Variants in PRRX2 observed in about 807,000 individuals in gnomAD.
The protein encoded by PRRX2 is paired mesoderm homeobox protein 2.
Under a neutral mutation model 18.0 loss-of-function variants are expected in PRRX2, and 11 were observed. That is an observed-to-expected ratio of 0.61 (90% confidence interval 0.39 to 1.01). PRRX2 has a LOEUF of 1.01. Ranked by LOEUF, PRRX2 falls within the 50% of genes least tolerant of loss-of-function variation. The pLI is 0.01. For synonymous variants in PRRX2, 177 were observed against 154.8 expected (o/e 1.14, Z -1.06); for missense variants, 387 against 351.0 (o/e 1.10, Z -0.82).
At chr9:129,705,209 G>A (rs1285516261) in intron 1 of PRRX2, among the ~76,000 whole-genome samples, 1 of 148,864 alleles carries the variant, frequency 6.7e-6, no homozygotes, top group Non-Finnish European at 1.5e-5. Flanking sequence ...CAGGAATAGA[G>A]AGACTGAGCT....
chr9:129,686,470 C>A (rs1235227998), intron 1 of PRRX2, among the ~76,000 whole-genome samples: 1 of 152,208 alleles, frequency 6.6e-6, no homozygotes, highest in East Asian at 1.9e-4. Context: ...CCTCAGCCTC[C>A]CAAGTAGCTG....
chr9:129,674,624 C>G (rs1832142380), intron 1 of PRRX2, among the ~76,000 whole-genome samples: 1 of 152,148 alleles, frequency 6.6e-6, no homozygotes, highest in East Asian at 1.9e-4. Flanking sequence ...GCCCCCAGAG[C>G]TGAGCGAACA....
intron 1 of PRRX2, among the ~76,000 whole-genome samples, chr9:129,692,494 C>G (rs1213377349): frequency 6.6e-6 from 1 of 152,146 alleles, no homozygotes. Flanking sequence ...TGACACGGAT[C>G]CACCACTGCA....
At position 129,720,760 on chromosome 9, in the gene PRRX2, C is replaced by A; in HGVS notation, c.612C>A (p.Ala204=). Residue 204 remains alanine (A), a synonymous_variant, in exon 3 of 4, where the codon GCC becomes GCA. Coordinates refer to ENST00000372469, the MANE Select transcript of PRRX2 (RefSeq NM_016307.4). Reference sequence around the variant, plus strand: ...GTCCAGATTATCTCTCCTGGACAGCCTCGTCCCCCTACAGGTGAGAGCGGG... The same window carrying A: ...GTCCAGATTATCTCTCCTGGACAGCATCGTCCCCCTACAGGTGAGAGCGGG... The part of the protein sequence containing the change: ...ALSPDYLSWT[A]SSPYSTVPPY... 1 of 1,596,218 alleles carries A rather than the reference C, an allele frequency of 6.3e-7. No individual in the cohort carries two copies. The highest frequency in any genetic ancestry group is 8.5e-7 in the Non-Finnish European group (1 of 1,170,208).
chr9:129,684,604 T>A (rs1221547303), intron 1 of PRRX2, among the ~76,000 whole-genome samples: 2 of 152,038 alleles, frequency 1.3e-5, no homozygotes, highest in Non-Finnish European at 2.9e-5. Context: ...TACCCACTTC[T>A]GAACCAATCA....
At chr9:129,677,958 CT>C (rs760645440) in intron 1 of PRRX2, among the ~76,000 whole-genome samples, 32,628 of 113,494 alleles carry the variant, frequency 0.29, 4,065 homozygotes, top group East Asian at 0.43. Flanking sequence ...TTCTTTCTTT[CT>C]TTTTTTTTTT....
intron 1 of PRRX2, among the ~76,000 whole-genome samples, chr9:129,681,079 T>C (rs1832223359): frequency 6.6e-6 from 1 of 152,248 alleles, no homozygotes; most frequent in Non-Finnish European, 1.5e-5. Context: ...GCCTAGAGCG[T>C]GCACATGCAC....
At chr9:129,692,245 T>C (rs112398243) in intron 1 of PRRX2, among the ~76,000 whole-genome samples, 27 of 152,218 alleles carry the variant, frequency 1.8e-4, no homozygotes, top group African/African-American at 6.3e-4. Context: ...CCACCACGCC[T>C]GGCCTAGACT....
intron 1 of PRRX2, among the ~76,000 whole-genome samples, chr9:129,718,325 TC>T (rs1832741394): frequency 6.6e-6 from 1 of 152,096 alleles, no homozygotes; most frequent in Non-Finnish European, 1.5e-5. Flanking sequence ...CTGAGGGGCC[TC>T]CCCGGCCAGC....
intron 1 of PRRX2, among the ~76,000 whole-genome samples, chr9:129,717,621 G>A (rs1385532114): frequency 1.3e-5 from 2 of 150,466 alleles, no homozygotes; most frequent in Admixed American, 6.6e-5. Flanking sequence ...ACTTGAACCC[G>A]GGAGGCAGAG....
At chr9:129,689,990 A>G (rs970396705) in intron 1 of PRRX2, among the ~76,000 whole-genome samples, 1 of 151,692 alleles carries the variant, frequency 6.6e-6, no homozygotes, top group African/African-American at 2.4e-5. Context: ...TGACCTTGTG[A>G]TCCGCCCGCC....
At chr9:129,699,163 C>T (rs1201169907) in intron 1 of PRRX2, among the ~76,000 whole-genome samples, 1 of 152,226 alleles carries the variant, frequency 6.6e-6, no homozygotes, top group Non-Finnish European at 1.5e-5. Flanking sequence ...TGGCTCACGC[C>T]CATAATCCCA....
At position 129,671,988 on chromosome 9, in the gene PRRX2, C is replaced by T. The variant is rs112095356; in HGVS notation, c.259+5862C>T. On this transcript the variant is annotated intron_variant, in intron 1 of 3. Transcript: ENST00000372469. This position sits in a 1 kb window ranked among gnomAD's most constrained non-coding sequence, Gnocchi z 4.0. ...GAACGGGCTCTGTGCCTATGTTAGG[C>T]GTTTCTGAGTAGGTGGGGGCAGGAA... Among the ~76,000 whole-genome samples the T allele has an allele frequency of 0.02, 2,986 of 152,058 alleles. 106 individuals are homozygous for T. The highest frequency in any genetic ancestry group is 0.067 in the African/African-American group (2,772 of 41,448).
chr9:129,700,772 C>T (rs1832483883), intron 1 of PRRX2, among the ~76,000 whole-genome samples: 1 of 152,158 alleles, frequency 6.6e-6, no homozygotes, highest in African/African-American at 2.4e-5. Context: ...TGCGTGCCAC[C>T]ATGCCCGGCT....
chr9:129,715,663 G>A lies in PRRX2; in HGVS notation c.260-3568G>A, dbSNP rs149965728. Among the ~76,000 whole-genome samples the A allele has an allele frequency of 1.3e-5, 2 of 151,784 alleles. No homozygotes were observed. Among genetic ancestry groups the A allele is most frequent in the Non-Finnish European group, 2.9e-5 (2 of 67,998 alleles). ...AGATCCTAGTAGCACCCCTTCCCCA[G>A]TCCTAACGATCAAAAATGTCTCACA... On this transcript the variant is annotated intron_variant, in intron 1 of 3. Coordinates refer to ENST00000372469, the MANE Select transcript of PRRX2 (RefSeq NM_016307.4). This position sits in a 1 kb window ranked among gnomAD's most constrained non-coding sequence, Gnocchi z 4.0.
In PRRX2 at chr9:129,715,004, G is replaced by C. The variant is rs183000009; in HGVS notation, c.260-4227G>C. Among the ~76,000 whole-genome samples, 189 of 152,170 alleles carry C rather than the reference G, an allele frequency of 1.2e-3. 1 individual carries two copies. The highest frequency in any genetic ancestry group is 4.3e-3 in the African/African-American group (180 of 41,506). Reference sequence around the variant, plus strand: ...GTTTCTTCCTCATCGAGGTGGTGGGGGTGGAAAGACATTCACAGGCAGCAG... The same window carrying C: ...GTTTCTTCCTCATCGAGGTGGTGGGCGTGGAAAGACATTCACAGGCAGCAG... On this transcript the variant is annotated intron_variant, in intron 1 of 3. Coordinates refer to ENST00000372469, the MANE Select transcript of PRRX2 (RefSeq NM_016307.4). This position sits in a 1 kb window ranked among gnomAD's most constrained non-coding sequence, Gnocchi z 4.0.
intron 1 of PRRX2, among the ~76,000 whole-genome samples, chr9:129,668,687 G>T (rs189102048): frequency 5.1e-4 from 74 of 146,240 alleles, no homozygotes; most frequent in Non-Finnish European, 9.2e-4. Flanking sequence ...TGAGACAGGA[G>T]AATCCCTTGA....
At chr9:129,703,252 G>C (rs992426985) in intron 1 of PRRX2, among the ~76,000 whole-genome samples, 3 of 152,200 alleles carry the variant, frequency 2.0e-5, no homozygotes, top group African/African-American at 7.2e-5. Flanking sequence ...GACTTGTTCG[G>C]GTAGAGAGGG....
At chr9:129,690,918 T>C (rs994476620) in intron 1 of PRRX2, among the ~76,000 whole-genome samples, 32 of 152,096 alleles carry the variant, frequency 2.1e-4, no homozygotes, top group African/African-American at 2.4e-5. Context: ...GACCCTCTCC[T>C]TTAGGTGGGC....
Sources: gnomAD v4.1 joint callset for allele counts (sites outside exome capture counted in the v4.1 genomes callset) on GRCh38, gnomAD v4.1.1 for gene constraint, Gnocchi (gnomAD v3.1) non-coding constraint, MANE v1.5 for transcripts, NCBI Gene and HGNC (gene_info 2026-07-23, HGNC 2026-07-21) for gene names.